Variants in GRIN2A observed in about 807,000 individuals in gnomAD.
GRIN2A encodes the protein glutamate ionotropic receptor NMDA type subunit 2A.
GRIN2A carries 22 observed loss-of-function variants against 113.4 expected under a neutral mutation model. That is an observed-to-expected ratio of 0.19 (90% CI 0.14 to 0.28). The LOEUF is 0.28. GRIN2A is among the 10% of genes least tolerant of loss of function. The pLI is 1.00. For missense variants in GRIN2A, 1,502 were observed against 1,887.0 expected (o/e 0.80, Z 3.78); for synonymous variants, 827 against 738.4 (o/e 1.12, Z -1.94).
At chr16:9,938,905 A>G (rs941879302) in intron 2 of GRIN2A, among the ~76,000 whole-genome samples, 1 of 152,164 alleles carries the variant, frequency 6.6e-6, no homozygotes, top group Non-Finnish European at 1.5e-5. Flanking sequence ...TGACCGGAAA[A>G]TCAAGCCACG....
intron 11 of GRIN2A, among the ~76,000 whole-genome samples, chr16:9,779,650 G>A (rs939609341): frequency 2.6e-5 from 4 of 152,210 alleles, no homozygotes; most frequent in African/African-American, 9.6e-5. Context: ...AACTAAAGCA[G>A]AAGGAAGACC....
chr16:10,042,903 T>C (rs2047191291), intron 2 of GRIN2A, among the ~76,000 whole-genome samples: 1 of 152,204 alleles, frequency 6.6e-6, no homozygotes, highest in Non-Finnish European at 1.5e-5. Flanking sequence ...CTAAGGATGG[T>C]AGAACAGACG....
At chr16:10,132,602 A>G (rs780613224) in intron 2 of GRIN2A, among the ~76,000 whole-genome samples, 1 of 152,234 alleles carries the variant, frequency 6.6e-6, no homozygotes, top group Non-Finnish European at 1.5e-5. Context: ...TCATTCGGGC[A>G]TGGGGTTAAA....
At position 9,754,232 on chromosome 16, in the gene GRIN2A, C is replaced by T. The variant is rs988657260; in HGVS notation, c.*8917G>A. 1 of 193,862 alleles carries T rather than the reference C, an allele frequency of 5.2e-6. No homozygotes were observed. 12.0% of individuals were successfully genotyped at this position (193,862 alleles called of 1,614,324 possible). A position where few individuals can be genotyped will look rare whatever the true frequency, so the allele number is the denominator to read the frequency against. On this transcript the variant is annotated 3_prime_UTR_variant, in exon 13 of 13. Coordinates refer to ENST00000330684, the MANE Select transcript of GRIN2A (RefSeq NM_001134407.3). ...TGGTGAATTCTGCCAATTAATTCAG[C>T]AGGTTTATGCTTTTAAATTTGTTTT...
chr16:10,177,501 T>A (rs2050172154), intron 2 of GRIN2A, among the ~76,000 whole-genome samples: 2 of 152,152 alleles, frequency 1.3e-5, no homozygotes, highest in Admixed American at 1.3e-4. Context: ...CCTCCTCCAT[T>A]TTTGAACCAA....
chr16:9,996,220 C>T (rs1029563257), intron 2 of GRIN2A, among the ~76,000 whole-genome samples: 2 of 151,988 alleles, frequency 1.3e-5, no homozygotes, highest in Non-Finnish European at 2.9e-5. Context: ...GACAGAGTTA[C>T]GTAGGGTGGA....
intron 2 of GRIN2A, among the ~76,000 whole-genome samples, chr16:10,040,350 G>A (rs1223677785): frequency 6.9e-6 from 1 of 145,654 alleles, no homozygotes; most frequent in East Asian, 2.1e-4. Context: ...TCACAACCCT[G>A]GACTCACAAT....
At chr16:9,866,991 C>T (rs1346774450) in intron 4 of GRIN2A, among the ~76,000 whole-genome samples, 2 of 152,234 alleles carry the variant, frequency 1.3e-5, no homozygotes, top group East Asian at 3.9e-4. Flanking sequence ...AGCGTCATCC[C>T]TGGTCTCTAT....
chr16:10,074,706 T>A (rs1281327791), intron 2 of GRIN2A, among the ~76,000 whole-genome samples: 1 of 152,120 alleles, frequency 6.6e-6, no homozygotes, highest in Non-Finnish European at 1.5e-5. Flanking sequence ...AAAAAGTAGA[T>A]CCATGGTTTC....
chr16:10,139,335 G>A (rs1596545438), intron 2 of GRIN2A, among the ~76,000 whole-genome samples: 1 of 152,324 alleles, frequency 6.6e-6, no homozygotes, highest in East Asian at 1.9e-4. Flanking sequence ...GGGAGGCAGG[G>A]AGAGGAGAGG....
chr16:9,892,356 A>G (rs2043711424), intron 3 of GRIN2A, among the ~76,000 whole-genome samples: 1 of 152,224 alleles, frequency 6.6e-6, no homozygotes, highest in Non-Finnish European at 1.5e-5. Context: ...CAGAGCGGGT[A>G]CAGAGGGACT....
intron 10 of GRIN2A, among the ~76,000 whole-genome samples, chr16:9,819,205 T>C (rs1263753863): frequency 1.3e-5 from 2 of 152,196 alleles, no homozygotes; most frequent in Admixed American, 6.5e-5. Flanking sequence ...TTTTGACGTA[T>C]ATAAATATCT....
At chr16:9,890,659 A>G (rs2141480620) in intron 4 of GRIN2A, among the ~76,000 whole-genome samples, 1 of 152,340 alleles carries the variant, frequency 6.6e-6, no homozygotes, top group South Asian at 2.1e-4. Context: ...TTCTATGATC[A>G]TTGCTACATA....
intron 2 of GRIN2A, among the ~76,000 whole-genome samples, chr16:10,113,142 T>C (rs1031097964): frequency 2.0e-5 from 3 of 151,830 alleles, no homozygotes; most frequent in African/African-American, 7.3e-5. Flanking sequence ...GCCCTGCGCC[T>C]GCCTCAGGTC....
intron 3 of GRIN2A, among the ~76,000 whole-genome samples, chr16:9,926,346 A>T (rs945307864): frequency 5.3e-5 from 8 of 152,226 alleles, no homozygotes. Context: ...TGGGCAAAAG[A>T]TTAGAGGCGC....
intron 4 of GRIN2A, among the ~76,000 whole-genome samples, chr16:9,855,165 T>G (rs1353998214): frequency 1.3e-5 from 2 of 152,148 alleles, no homozygotes; most frequent in African/African-American, 4.8e-5. Flanking sequence ...AGCACAGGCT[T>G]AGAGATCAGA....
chr16:9,881,421 A>C (rs2043478244), intron 4 of GRIN2A, among the ~76,000 whole-genome samples: 2 of 152,238 alleles, frequency 1.3e-5, no homozygotes, highest in Non-Finnish European at 2.9e-5. Flanking sequence ...GCCCTAAAGC[A>C]GTAGCTTTAC....
chr16:10,089,603 G>A (rs547388842), intron 2 of GRIN2A, among the ~76,000 whole-genome samples: 12 of 152,198 alleles, frequency 7.9e-5, no homozygotes, highest in African/African-American at 2.4e-4. Context: ...GCTTCTTTCC[G>A]GGAGGGTTGA....
intron 7 of GRIN2A, among the ~76,000 whole-genome samples, chr16:9,835,173 T>C (rs2042564871): frequency 6.6e-6 from 1 of 152,216 alleles, no homozygotes; most frequent in East Asian, 1.9e-4. Context: ...TTGTTGATGT[T>C]GGTAGCAGCC....
Sources: gnomAD v4.1 joint callset for allele counts (sites outside exome capture counted in the v4.1 genomes callset) on GRCh38, gnomAD v4.1.1 for gene constraint, MANE v1.5 for transcripts, NCBI Gene and HGNC (gene_info 2026-07-23, HGNC 2026-07-21) for gene names.